LRIG2: variants seen among roughly 807,000 people sequenced by gnomAD.
LRIG2 encodes the protein leucine rich repeats and immunoglobulin like domains 2, also known as leucine-rich repeats and immunoglobulin-like domains protein 2.
Under a neutral mutation model 107.8 loss-of-function variants are expected in LRIG2, and 93 were observed. The observed-to-expected ratio is 0.86, with a 90% CI of 0.73 to 1.03. LRIG2 has a LOEUF of 1.03. LRIG2 is among the 50% of genes least tolerant of loss of function. LRIG2 has a pLI of 0.00. For synonymous variants in LRIG2, 471 were observed against 470.6 expected (o/e 1.00, Z -0.01); for missense variants, 1,226 against 1,296.0 (o/e 0.95, Z 0.83).
chr1:113,119,509 C>T lies in LRIG2; in HGVS notation c.2957C>T (p.Thr986Ile). 6.2e-7 allele frequency: 1 copy of T among 1,614,046 alleles called. No homozygotes were observed. The highest frequency in any genetic ancestry group is 8.5e-7 in the Non-Finnish European group (1 of 1,179,958). ...ERISEKKLPS[T>I]QMSGETLQRP... Reference sequence around the variant, plus strand: ...ATAAGTGAGAAGAAACTTCCCTCCACACAGATGAGCGGTGGTAAGGGATGT... The same window carrying T: ...ATAAGTGAGAAGAAACTTCCCTCCATACAGATGAGCGGTGGTAAGGGATGT... Residue 986 changes from threonine to isoleucine, a missense_variant, in exon 17 of 18, where the codon ACA becomes ATA. Thr to Ile is a moderately conservative substitution (Grantham distance 89). Coordinates refer to ENST00000361127, the MANE Select transcript of LRIG2 (RefSeq NM_014813.3).
chr1:113,119,607 T>C, intron 17 of LRIG2, 84 bp downstream of exon 17: 1 of 1,333,472 alleles, frequency 7.5e-7, no homozygotes, highest in South Asian at 1.4e-5. Context: ...GTGCTCTCAT[T>C]TGACAGGAAG....
intron 1 of LRIG2, among the ~76,000 whole-genome samples, chr1:113,084,806 A>C (rs1249921656): frequency 2.6e-5 from 4 of 152,264 alleles, no homozygotes; most frequent in Admixed American, 2.0e-4. Flanking sequence ...AGAAAAGATC[A>C]CATCATATTA....
rs1342167256 is a variant in LRIG2 at position 113,125,721 on chromosome 1, A to G, written c.*1620A>G. ...CTCTTGCCATGTTCTGACTGGGGTGAGCCGCTAGGATACAAATCACTATCA... is the reference window on the plus strand; with the variant it reads ...CTCTTGCCATGTTCTGACTGGGGTGGGCCGCTAGGATACAAATCACTATCA... On this transcript the variant is annotated 3_prime_UTR_variant, in exon 18 of 18. Coordinates refer to ENST00000361127, the MANE Select transcript of LRIG2 (RefSeq NM_014813.3). The G allele has an allele frequency of 1.3e-5, 2 of 152,304 alleles. No homozygotes were observed. The highest frequency in any genetic ancestry group is 4.8e-5 in the African/African-American group (2 of 41,562). 9.4% of individuals were successfully genotyped at this position (152,304 alleles called of 1,614,324 possible).
At chr1:113,107,851 T>G (rs1479824334) in intron 12 of LRIG2, 94 bp downstream of exon 12, 2 of 1,117,646 alleles carry the variant, frequency 1.8e-6, no homozygotes, top group Non-Finnish European at 2.5e-6. Context: ...CACTAGGAAT[T>G]TTTGTAATCA....
chr1:113,113,620 T>C (rs1202993577), intron 14 of LRIG2, among the ~76,000 whole-genome samples: 4 of 151,838 alleles, frequency 2.6e-5, no homozygotes. Context: ...TGGAATGCAG[T>C]GGCGCAATCT....
In LRIG2 at chr1:113,123,856, T is replaced by C; in HGVS notation, c.2972-19T>C. 6.2e-7 allele frequency: 1 copy of C among 1,603,614 alleles called. No individual in the cohort carries two copies. The highest frequency in any genetic ancestry group is 8.5e-7 in the Non-Finnish European group (1 of 1,171,066). On this transcript the variant is annotated intron_variant, in intron 17 of 17. Transcript: ENST00000361127. ...AGTTTTACCAGTCACTACTGATAATTCTTGTCTTTCATTCTCAGAAACATT... is the reference window on the plus strand; with the variant it reads ...AGTTTTACCAGTCACTACTGATAATCCTTGTCTTTCATTCTCAGAAACATT...
intron 8 of LRIG2, among the ~76,000 whole-genome samples, chr1:113,098,228 G>C (rs1398364011): frequency 1.3e-5 from 2 of 152,088 alleles, no homozygotes; most frequent in Non-Finnish European, 2.9e-5. Context: ...TTGCTCTTGA[G>C]CAATGAAACT....
chr1:113,096,153 G>T, intron 7 of LRIG2, 69 bp from the exon 8 acceptor site: 1 of 1,585,250 alleles, frequency 6.3e-7, no homozygotes, highest in Non-Finnish European at 8.6e-7. Flanking sequence ...TTACCATGTA[G>T]ATATAATAAG....
intron 8 of LRIG2, 132 bp downstream of exon 8, chr1:113,096,497 T>TTC: frequency 3.3e-6 from 3 of 918,634 alleles, no homozygotes; most frequent in Non-Finnish European, 4.9e-6. Context: ...GTCCTATGCC[T>TTC]CAGAGCAAGG....
In LRIG2 at chr1:113,095,858, TTCTC is replaced by T. The variant is rs1188776607; in HGVS notation, c.804-14_804-11del. The T allele has an allele frequency of 1.2e-6, 2 of 1,613,860 alleles. No homozygotes were observed. Among genetic ancestry groups the T allele is most frequent in the East Asian group, 2.2e-5 (1 of 44,892 alleles). ...TGTTTTGGAACGTATTTTCTTCTCT[TTCTC>T]TAATTCTGCAGAGAACTGGAACACA... is the stretch of plus-strand genomic sequence containing the variant. On this transcript the variant is annotated splice_polypyrimidine_tract_variant and intron_variant, in intron 6 of 17. Coordinates refer to ENST00000361127, the MANE Select transcript of LRIG2 (RefSeq NM_014813.3).
chr1:113,076,657 A>G (rs1488304010), intron 1 of LRIG2, among the ~76,000 whole-genome samples: 1 of 152,246 alleles, frequency 6.6e-6, no homozygotes, highest in African/African-American at 2.4e-5. Context: ...GGGTTTCTTT[A>G]TGTAATTTTG....
chr1:113,119,451 G>A lies in LRIG2; in HGVS notation c.2899G>A (p.Glu967Lys). The A allele has an allele frequency of 6.2e-7, 1 of 1,614,134 alleles. No homozygotes were observed. Among genetic ancestry groups the A allele is most frequent in the Non-Finnish European group, 8.5e-7 (1 of 1,180,018 alleles). ...GAGCCTGATACCGTCAGCCAACAGA[G>A]AGCCATCTGCCTTTCCCACCAACCA... ...LESLIPSANR[E>K]PSAFPTNHER... Residue 967 changes from glutamate to lysine, a missense_variant, in exon 17 of 18, where the codon GAG becomes AAG. By Grantham distance (56) the Glu-to-Lys change is moderately conservative (BLOSUM62 1). This residue lies in a region of LRIG2 where 642 missense variants were observed against 712.2 expected (regional missense o/e 0.90). Transcript: ENST00000361127.
intron 1 of LRIG2, among the ~76,000 whole-genome samples, chr1:113,090,947 G>A (rs1483368340): frequency 6.6e-6 from 1 of 151,504 alleles, no homozygotes; most frequent in Non-Finnish European, 1.5e-5. Context: ...TGCCTCCCGG[G>A]TTCAAGTAAT....
At chr1:113,117,848 T>C (rs1005540830) in intron 16 of LRIG2, among the ~76,000 whole-genome samples, 1 of 152,182 alleles carries the variant, frequency 6.6e-6, no homozygotes, top group African/African-American at 2.4e-5. Context: ...ATAACACTGC[T>C]TTCTGGGTTA....
intron 1 of LRIG2, among the ~76,000 whole-genome samples, chr1:113,079,926 C>T (rs1653182904): frequency 6.6e-6 from 1 of 150,912 alleles, no homozygotes; most frequent in Non-Finnish European, 1.5e-5. Context: ...GACGGGGCTT[C>T]ACCATGTTGG....
At chr1:113,113,594 A>C (rs1215006705) in intron 14 of LRIG2, among the ~76,000 whole-genome samples, 1 of 150,338 alleles carries the variant, frequency 6.7e-6, no homozygotes, top group Non-Finnish European at 1.5e-5. Flanking sequence ...ACGGAGTCTC[A>C]TTCTGTTGCC....
intron 1 of LRIG2, among the ~76,000 whole-genome samples, chr1:113,074,742 A>G (rs1216561044): frequency 2.6e-5 from 4 of 151,400 alleles, no homozygotes; most frequent in Non-Finnish European, 4.4e-5. Context: ...CCCCGTCTCT[A>G]CTAAAAATAC....
chr1:113,095,798 A>G, intron 6 of LRIG2, 76 bp from the exon 7 acceptor site: 1 of 1,508,846 alleles, frequency 6.6e-7, no homozygotes. Flanking sequence ...TCTCTGGGAA[A>G]AACTTAAGAT....
At chr1:113,113,986 C>T (rs1319642466) in intron 14 of LRIG2, among the ~76,000 whole-genome samples, 1 of 152,106 alleles carries the variant, frequency 6.6e-6, no homozygotes, top group Non-Finnish European at 1.5e-5. Context: ...TATTGTACCA[C>T]AAGTTGCCTT....
Sources: gnomAD v4.1 joint callset for allele counts (sites outside exome capture counted in the v4.1 genomes callset) on GRCh38, gnomAD v4.1.1 for gene constraint, gnomAD v4.1.1 regional missense constraint, MANE v1.5 for transcripts, NCBI Gene and HGNC (gene_info 2026-07-23, HGNC 2026-07-21) for gene names.